Variants in NIN observed in about 807,000 individuals in gnomAD.
The protein encoded by NIN is glycogen synthase kinase 3 beta-interacting protein.
In NIN, 137 loss-of-function variants were observed where a neutral mutation model predicts 257.6. The observed-to-expected ratio is 0.53, with a 90% CI of 0.46 to 0.61. The LOEUF is 0.61. NIN is among the 20% of genes least tolerant of loss of function. NIN has a pLI of 0.00. For synonymous variants in NIN, 918 were observed against 919.8 expected (o/e 1.00, Z 0.04); for missense variants, 2,439 against 2,501.2 (o/e 0.98, Z 0.53).
intron 16 of NIN, among the ~76,000 whole-genome samples, chr14:50,761,343 AC>A (rs1302686075): frequency 6.6e-6 from 1 of 152,202 alleles, no homozygotes; most frequent in East Asian, 1.9e-4. Flanking sequence ...AGTGTGATGG[AC>A]AACTAGGAAC....
chr14:50,764,070 G>A, intron 14 of NIN, 106 bp from the exon 15 acceptor site: 1 of 963,866 alleles, frequency 1.0e-6, no homozygotes, highest in Non-Finnish European at 1.6e-6. Flanking sequence ...AATCTTTTGT[G>A]CTTCAAAGGA....
chr14:50,798,330 G>C (rs896130230), intron 4 of NIN, among the ~76,000 whole-genome samples: 1 of 152,158 alleles, frequency 6.6e-6, no homozygotes, highest in East Asian at 1.9e-4. Flanking sequence ...CTTCTTGCTG[G>C]AACACAGGGG....
chr14:50,739,411 T>C lies in NIN; in HGVS notation c.5525A>G (p.Asp1842Gly). 6.2e-7 allele frequency: 1 copy of C among 1,614,242 alleles called. No homozygotes were observed. Among genetic ancestry groups the C allele is most frequent in the Non-Finnish European group, 8.5e-7 (1 of 1,180,032 alleles). ...CTGCTGTTCCTCATTCATCAGATGA[T>C]CCAACTTGTCCCAGGACAGCCTTTT... ...QQKRLSWDKLDHLMNEEQQLL... is the reference protein window; with the variant it reads ...QQKRLSWDKLGHLMNEEQQLL... Residue 1842 changes from aspartate (D) to glycine (G), a missense_variant, in exon 26 of 31, where the codon GAT becomes GGT. Transcript: ENST00000530997.
rs1465752029 is a variant in NIN, at chr14:50,831,099, A to T, written c.-169T>A. On this transcript the variant is annotated 5_prime_UTR_variant, in exon 1 of 31. Transcript: ENST00000530997. ...CGGCGGCAGCGGGACGGCCGCGCCC[A>T]GCGCGCTCGGCTCCCGGCTCGGCCG... is the stretch of plus-strand genomic sequence containing the variant. 3 of 149,570 alleles carry T rather than the reference A, an allele frequency of 2.0e-5. No individual in the cohort carries two copies. The highest frequency in any genetic ancestry group is 4.5e-5 in the Non-Finnish European group (3 of 67,126). The allele number at this position is 149,570 out of a possible 1,614,324, so 9.3% of individuals were successfully genotyped here.
chr14:50,816,792 C>T (rs752797510), intron 3 of NIN, among the ~76,000 whole-genome samples: 4 of 152,100 alleles, frequency 2.6e-5, no homozygotes, highest in African/African-American at 4.8e-5. Context: ...AAAATCAGGT[C>T]GGTAGAAGAG....
At chr14:50,781,078 G>C (rs933362871) in intron 5 of NIN, among the ~76,000 whole-genome samples, 1 of 152,084 alleles carries the variant, frequency 6.6e-6, no homozygotes, top group African/African-American at 2.4e-5. Context: ...TTATTTTCCT[G>C]TTCAACAGAG....
At position 50,720,776 on chromosome 14, in the gene NIN, G is replaced by A. The variant is rs2040255989; in HGVS notation, c.*2687C>T. 1 of 202,690 alleles carries A rather than the reference G, an allele frequency of 4.9e-6. No homozygotes were observed. Among genetic ancestry groups the A allele is most frequent in the African/African-American group, 2.3e-5 (1 of 43,592 alleles). The allele number at this position is 202,690 out of a possible 1,614,324, so 12.6% of individuals were successfully genotyped here. A position where few individuals can be genotyped will look rare whatever the true frequency, so the allele number is the denominator to read the frequency against. ...GAGAGTACAATAGGATGAGAGAGGT[G>A]GGTTTTACTATCCACATTTTCCTTT... On this transcript the variant is annotated 3_prime_UTR_variant, in exon 31 of 31. Coordinates refer to ENST00000530997, the MANE Select transcript of NIN (RefSeq NM_020921.4).
chr14:50,769,442 A>C (rs1379755498), intron 12 of NIN, among the ~76,000 whole-genome samples: 1 of 152,068 alleles, frequency 6.6e-6, no homozygotes, highest in Non-Finnish European at 1.5e-5. Context: ...TGGGAGGATC[A>C]CTTGAGGCCA....
intron 2 of NIN, among the ~76,000 whole-genome samples, chr14:50,829,857 C>T (rs1038002867): frequency 3.9e-5 from 6 of 152,220 alleles, no homozygotes; most frequent in African/African-American, 1.4e-4. Context: ...TAGTGTCCTT[C>T]TGTCAGGGGC....
intron 30 of NIN, among the ~76,000 whole-genome samples, chr14:50,725,499 C>A (rs2040373903): frequency 6.6e-6 from 1 of 152,082 alleles, no homozygotes. Flanking sequence ...CTGTTGGGAA[C>A]AGGAAAGCTA....
At chr14:50,773,898 G>A (rs544485477) in intron 7 of NIN, among the ~76,000 whole-genome samples, 3 of 152,330 alleles carry the variant, frequency 2.0e-5, no homozygotes, top group Non-Finnish European at 4.4e-5. Context: ...GAATGGGAAG[G>A]TGAATAGAGC....
In NIN at chr14:50,739,341, G is replaced by A; in HGVS notation, c.5595C>T (p.Asn1865=). 6.2e-7 allele frequency: 1 copy of A among 1,614,214 alleles called. No individual in the cohort carries two copies. The highest frequency in any genetic ancestry group is 8.5e-7 in the Non-Finnish European group (1 of 1,180,040). The stretch of plus-strand genomic sequence containing the variant: ...GGGAGTGCGTGAGTTCGGCTTTGGT[G>A]TTCTGTACCATGGTCTGGAGCCTCT... ...ENERLQTMVQ[N]TKAELTHSRE... is the part of the protein sequence containing the mutation. Residue 1865 remains asparagine, a synonymous_variant, in exon 26 of 31, where the codon AAC becomes AAT. Transcript: ENST00000530997.
intron 3 of NIN, among the ~76,000 whole-genome samples, chr14:50,820,872 C>T (rs2045182477): frequency 6.6e-6 from 1 of 152,158 alleles, no homozygotes; most frequent in Non-Finnish European, 1.5e-5. Context: ...TCTCAGGTTA[C>T]AGAAAGCCAA....
intron 3 of NIN, among the ~76,000 whole-genome samples, chr14:50,814,254 A>G (rs976740116): frequency 2.0e-5 from 3 of 152,218 alleles, no homozygotes; most frequent in African/African-American, 7.2e-5. Flanking sequence ...AAATGAATTC[A>G]AATCACCACC....
intron 25 of NIN, among the ~76,000 whole-genome samples, chr14:50,741,198 A>G (rs559191451): frequency 5.3e-5 from 8 of 152,294 alleles, no homozygotes; most frequent in African/African-American, 1.9e-4. Context: ...TTTCTCTACC[A>G]TTTAAGAAAA....
At chr14:50,744,805 A>G (rs1438590426) in intron 22 of NIN, among the ~76,000 whole-genome samples, 1 of 152,094 alleles carries the variant, frequency 6.6e-6, no homozygotes, top group African/African-American at 2.4e-5. Flanking sequence ...GTGGTGGTGC[A>G]TGCCTGTAAT....
intron 6 of NIN, among the ~76,000 whole-genome samples, chr14:50,778,039 G>A (rs376906031): frequency 2.6e-5 from 4 of 152,202 alleles, no homozygotes; most frequent in African/African-American, 9.7e-5. Flanking sequence ...AATCCACAGA[G>A]GGCTGTGAAG....
chr14:50,747,692 C>G (rs2041608237), intron 22 of NIN, among the ~76,000 whole-genome samples: 1 of 150,490 alleles, frequency 6.6e-6, no homozygotes, highest in African/African-American at 2.5e-5. Context: ...TGAGATCACA[C>G]CACTGCACTC....
chr14:50,770,706 G>A, intron 11 of NIN, 144 bp from the exon 12 acceptor site: 1 of 1,327,374 alleles, frequency 7.5e-7, no homozygotes, highest in South Asian at 1.4e-5. Flanking sequence ...CTTAGGGCTT[G>A]ACCACATCTG....
Sources: allele counts gnomAD v4.1 joint callset (sites outside exome capture counted in the v4.1 genomes callset), GRCh38; gene constraint gnomAD v4.1.1; transcripts MANE v1.5; gene names NCBI Gene and HGNC (gene_info 2026-07-23, HGNC 2026-07-21).